Variants in SGIP1 observed in about 807,000 individuals in gnomAD.
SGIP1 encodes the protein SH3GL interacting endocytic adaptor 1.
Under a neutral mutation model 107.5 loss-of-function variants are expected in SGIP1, and 38 were observed. The observed-to-expected ratio is 0.35, with a 90% CI of 0.27 to 0.46. SGIP1 has a LOEUF of 0.46. SGIP1 is among the 20% of genes least tolerant of loss of function. The pLI is 1.00. For missense variants in SGIP1, 929 were observed against 1,019.5 expected (o/e 0.91, Z 1.21); for synonymous variants, 365 against 366.1 (o/e 1.00, Z 0.03).
chr1:66,546,739 T>A (rs1034268848), intron 1 of SGIP1, among the ~76,000 whole-genome samples: 1 of 152,188 alleles, frequency 6.6e-6, no homozygotes, highest in Non-Finnish European at 1.5e-5. Context: ...GGCTTTAACA[T>A]TGGGGAAAGA....
chr1:66,588,421 A>C (rs2062993474), intron 1 of SGIP1, among the ~76,000 whole-genome samples: 1 of 152,138 alleles, frequency 6.6e-6, no homozygotes, highest in African/African-American at 2.4e-5. Flanking sequence ...TGGACTGTGG[A>C]AGAAAAGTAG....
intron 24 of SGIP1, among the ~76,000 whole-genome samples, chr1:66,742,837 C>G (rs1005867701): frequency 6.6e-6 from 1 of 152,124 alleles, no homozygotes; most frequent in African/African-American, 2.4e-5. Context: ...CTATTCTGGG[C>G]AAACCCCAAA....
At chr1:66,569,889 C>T (rs886653432) in intron 1 of SGIP1, among the ~76,000 whole-genome samples, 8 of 151,768 alleles carry the variant, frequency 5.3e-5, no homozygotes, top group Non-Finnish European at 7.4e-5. Context: ...ACTATTGATT[C>T]AATTTCTATA....
chr1:66,538,707 C>G (rs995877451), intron 1 of SGIP1, among the ~76,000 whole-genome samples: 2 of 152,186 alleles, frequency 1.3e-5, no homozygotes, highest in Non-Finnish European at 2.9e-5. Context: ...GAGTCTCACA[C>G]AAGTCCATCA....
In SGIP1 at chr1:66,747,944, T is replaced by A. The variant is rs2094574752; in HGVS notation, c.*4849T>A. On this transcript the variant is annotated 3_prime_UTR_variant, in exon 25 of 25. Transcript: ENST00000371037. ...TTTAATAATATCAAAACAAGAGTGA[T>A]CTCTAAATATAGCTTTGAAAGTTAA... is the stretch of plus-strand genomic sequence containing the variant. 2 of 151,984 alleles carry A rather than the reference T, an allele frequency of 1.3e-5. No individual in the cohort carries two copies. The highest frequency in any genetic ancestry group is 2.4e-5 in the African/African-American group (1 of 41,430). The allele number at this position is 151,984 out of a possible 1,614,324, so 9.4% of individuals were successfully genotyped here. A position where few individuals can be genotyped will look rare whatever the true frequency, so the allele number is the denominator to read the frequency against.
intron 12 of SGIP1, among the ~76,000 whole-genome samples, chr1:66,674,742 A>G (rs1043538542): frequency 6.6e-6 from 1 of 152,216 alleles, no homozygotes; most frequent in Admixed American, 6.5e-5. Context: ...TTCAGAAGAA[A>G]GGAAGTGGGG....
At chr1:66,672,849 T>C (rs1474930541) in intron 11 of SGIP1, among the ~76,000 whole-genome samples, 2 of 152,158 alleles carry the variant, frequency 1.3e-5, no homozygotes, top group South Asian at 2.1e-4. Context: ...ATGCTTGACT[T>C]TCGCTAATTA....
At chr1:66,557,199 T>C (rs1016624631) in intron 1 of SGIP1, among the ~76,000 whole-genome samples, 3 of 152,144 alleles carry the variant, frequency 2.0e-5, no homozygotes, top group Admixed American at 6.6e-5. Flanking sequence ...TTAGGGATTC[T>C]TGTCCAATGT....
chr1:66,723,372 C>T (rs962504989), intron 19 of SGIP1, among the ~76,000 whole-genome samples: 2 of 152,064 alleles, frequency 1.3e-5, no homozygotes, highest in Non-Finnish European at 2.9e-5. Context: ...TGTAAATATT[C>T]GGAGCACCCA....
chr1:66,741,309 A>G lies in SGIP1; in HGVS notation c.2337A>G (p.Glu779=). 1 of 1,601,776 alleles carries G rather than the reference A, an allele frequency of 6.2e-7. No homozygotes were observed. The highest frequency in any genetic ancestry group is 8.5e-7 in the Non-Finnish European group (1 of 1,174,730). ...GSLLARFQLS[E]GPSKPSPLVV... is the part of the protein sequence containing the mutation. ...TGTTGGCAAGATTTCAGTTATCTGAAGGCCCAAGCAAACCTTCTCCATTGG... is the reference window on the plus strand; with the variant it reads ...TGTTGGCAAGATTTCAGTTATCTGAGGGCCCAAGCAAACCTTCTCCATTGG... Residue 779 remains glutamate, a synonymous_variant, in exon 24 of 25, where the codon GAA becomes GAG. Coordinates refer to ENST00000371037, the MANE Select transcript of SGIP1 (RefSeq NM_032291.4).
intron 15 of SGIP1, among the ~76,000 whole-genome samples, chr1:66,685,404 G>A (rs1347075285): frequency 1.3e-5 from 2 of 152,216 alleles, no homozygotes; most frequent in Non-Finnish European, 2.9e-5. Context: ...GGCCAGAACA[G>A]TACTTTACTG....
chr1:66,550,710 T>A (rs1279252364), intron 1 of SGIP1, among the ~76,000 whole-genome samples: 1 of 152,134 alleles, frequency 6.6e-6, no homozygotes, highest in East Asian at 1.9e-4. Context: ...CATTTAATAT[T>A]CACAACAATT....
intron 8 of SGIP1, among the ~76,000 whole-genome samples, chr1:66,663,802 T>G (rs2081996405): frequency 1.3e-5 from 2 of 152,196 alleles, no homozygotes; most frequent in Admixed American, 6.5e-5. Context: ...GATTAAAGTA[T>G]AGGTTTATAA....
At chr1:66,724,764 C>G (rs2093683165) in intron 19 of SGIP1, among the ~76,000 whole-genome samples, 1 of 152,120 alleles carries the variant, frequency 6.6e-6, no homozygotes, top group South Asian at 2.1e-4. Context: ...AAAACAGAAA[C>G]TTTATCTCCT....
intron 1 of SGIP1, among the ~76,000 whole-genome samples, chr1:66,595,883 T>A (rs536357941): frequency 6.6e-6 from 1 of 152,262 alleles, no homozygotes; most frequent in East Asian, 1.9e-4. Context: ...ATTAGAGAGA[T>A]GGAAGAGAGA....
rs1218853197 is a variant in SGIP1, at chr1:66,695,263, A to AAAAAAAAAAAAAAAAAT, written c.1571-163_1571-162insAAAAAAAATAAAAAAAA. 1.9e-5 allele frequency: 25 copies of AAAAAAAAAAAAAAAAAT among 1,307,254 alleles called. No individual in the cohort carries two copies. In the African/African-American group the frequency reaches 2.9e-4, roughly 15 times the overall value. 81.0% of individuals were successfully genotyped at this position (1,307,254 alleles called of 1,614,324 possible). A position where few individuals can be genotyped will look rare whatever the true frequency, so the allele number is the denominator to read the frequency against. ...CTTTCTGTTTCCTGAACTAAAAAAA[A>AAAAAAAAAAAAAAAAAT]AAAAAAAAGTGTAGATTGCCAGCCT... On this transcript the variant is annotated intron_variant, in intron 17 of 24. Transcript: ENST00000371037.
intron 1 of SGIP1, among the ~76,000 whole-genome samples, chr1:66,565,303 T>G (rs1228640813): frequency 6.6e-6 from 1 of 152,104 alleles, no homozygotes; most frequent in Non-Finnish European, 1.5e-5. Context: ...CTTTCATTTA[T>G]ATGGGCTCTT....
At chr1:66,693,809 C>T (rs986761931) in intron 17 of SGIP1, among the ~76,000 whole-genome samples, 1 of 152,112 alleles carries the variant, frequency 6.6e-6, no homozygotes, top group Non-Finnish European at 1.5e-5. Flanking sequence ...AGCTGGATAC[C>T]ATAGACAAAG....
intron 1 of SGIP1, among the ~76,000 whole-genome samples, chr1:66,606,096 G>T (rs1232807558): frequency 3.3e-5 from 5 of 152,156 alleles, no homozygotes; most frequent in African/African-American, 1.2e-4. Flanking sequence ...TTAAAAATAG[G>T]CATTATGTAG....
Sources: gnomAD v4.1 joint callset for allele counts (sites outside exome capture counted in the v4.1 genomes callset) on GRCh38, gnomAD v4.1.1 for gene constraint, MANE v1.5 for transcripts, NCBI Gene and HGNC (gene_info 2026-07-23, HGNC 2026-07-21) for gene names.